ABRAXAS2: variants seen among roughly 807,000 people sequenced by gnomAD.
The protein encoded by ABRAXAS2 is BRISC complex subunit Abraxas 2.
A neutral mutation model predicts 49.0 loss-of-function variants in ABRAXAS2; 23 were observed. The ratio of observed to expected loss-of-function variants is 0.47; its 90% CI spans 0.34 to 0.66. ABRAXAS2 has a LOEUF of 0.66. ABRAXAS2 is among the 30% of genes least tolerant of loss of function. The pLI, the probability that ABRAXAS2 is intolerant of heterozygous loss-of-function variation, is 0.01. For synonymous variants in ABRAXAS2, 168 were observed against 180.2 expected, an observed-to-expected ratio of 0.93 and a Z score of 0.54; for missense variants, 443 against 511.9, an observed-to-expected ratio of 0.87 and a Z score of 1.30.
intron 4 of ABRAXAS2, among the ~76,000 whole-genome samples, chr10:124,823,298 G>A (rs1421165780): frequency 1.3e-5 from 2 of 152,020 alleles, no homozygotes; most frequent in African/African-American, 4.8e-5. Flanking sequence ...TACCTCAAAA[G>A]GGTGGTTATA....
In ABRAXAS2 at chr10:124,836,662, A is replaced by G. The variant is rs1950970273; in HGVS notation, c.*1691A>G. 6.6e-6 allele frequency: 1 copy of G among 152,630 alleles called. No homozygotes were observed. The highest frequency in any genetic ancestry group is 1.5e-5 in the Non-Finnish European group (1 of 68,036). 9.5% of individuals were successfully genotyped at this position (152,630 alleles called of 1,614,324 possible). A position where few individuals can be genotyped will look rare whatever the true frequency, so the allele number is the denominator to read the frequency against. On this transcript the variant is annotated 3_prime_UTR_variant, in exon 9 of 9. Coordinates refer to ENST00000298492, the MANE Select transcript of ABRAXAS2 (RefSeq NM_032182.4). ...AATGTGACAATAAAAAACTTATTTA[A>G]TCATGGTACCATTGTTTTAATGTCT...
chr10:124,821,501 G>GT (rs980536435), intron 4 of ABRAXAS2, among the ~76,000 whole-genome samples: 10 of 152,054 alleles, frequency 6.6e-5, no homozygotes, highest in South Asian at 2.1e-4. Flanking sequence ...GGGAGGCAGA[G>GT]TTTGCAGTGA....
chr10:124,826,964 C>T (rs1294256050), intron 5 of ABRAXAS2, among the ~76,000 whole-genome samples, 179 bp downstream of exon 5: 2 of 151,508 alleles, frequency 1.3e-5, no homozygotes, highest in South Asian at 2.1e-4. Flanking sequence ...TGTGGTGGCA[C>T]GTGGCTGTAT....
intron 8 of ABRAXAS2, among the ~76,000 whole-genome samples, chr10:124,831,840 G>GTATTTTTTTTTTTTTTTTTTTTTTTTT (rs1564925948): frequency 1.9e-5 from 2 of 106,208 alleles, no homozygotes; most frequent in Non-Finnish European, 1.8e-5. Context: ...ACTGTGTCCT[G>GTATTTTTTTTTTTTTTTTTTTTTTTTT]TCTTTTTTTT....
chr10:124,827,589 T>C (rs568830931), intron 5 of ABRAXAS2, among the ~76,000 whole-genome samples: 1 of 152,314 alleles, frequency 6.6e-6, no homozygotes, highest in African/African-American at 2.4e-5. Context: ...AATAAATAGC[T>C]GGAAATCATC....
Position 124,803,355 on chromosome 10 carries a change from G to T in ABRAXAS2, c.72+1454G>T, listed in dbSNP as rs559926290. 8.5e-5 allele frequency among the ~76,000 whole-genome samples: 13 copies of T among 152,304 alleles called. 1 individual carries two copies. In the South Asian group the frequency reaches 2.7e-3, roughly 32 times the overall value. On this transcript the variant is annotated intron_variant, in intron 1 of 8. Coordinates refer to ENST00000298492, the MANE Select transcript of ABRAXAS2 (RefSeq NM_032182.4). ...TTATATTAACTTTGCCACAATTATAGATGTGGAATCCTTGAAAATAATTTC... is the reference window on the plus strand; with the variant it reads ...TTATATTAACTTTGCCACAATTATATATGTGGAATCCTTGAAAATAATTTC...
chr10:124,809,805 T>C (rs1176087217), intron 2 of ABRAXAS2, among the ~76,000 whole-genome samples: 1 of 149,004 alleles, frequency 6.7e-6, no homozygotes, highest in African/African-American at 2.5e-5. Context: ...CAGGCTGGAG[T>C]GCAATGGCAC....
Position 124,826,720 on chromosome 10 carries a change from C to T in ABRAXAS2, c.393C>T (p.Ser131=), listed in dbSNP as rs371307509. The change falls in exon 5 of 9, where the codon AGC becomes AGT. Residue 131 remains serine (S), a synonymous_variant. Transcript: ENST00000298492. ...CCGACCTCGTCTTTCTTCTCTTCAG[C>T]TTCATCTCCACTGCCAACAATTCCA... is the stretch of plus-strand genomic sequence containing the variant. ...GVPDLVFLLF[S]FISTANNSTH... 29 of 1,614,232 alleles carry T rather than the reference C, an allele frequency of 1.8e-5. No homozygotes were observed. The highest frequency in any genetic ancestry group is 2.4e-5 in the Non-Finnish European group (28 of 1,180,052).
intron 4 of ABRAXAS2, among the ~76,000 whole-genome samples, chr10:124,821,012 C>CA: frequency 6.6e-6 from 1 of 152,066 alleles, no homozygotes; most frequent in Non-Finnish European, 1.5e-5. Flanking sequence ...CTCCCAGGCT[C>CA]AGGTGATCCT....
intron 3 of ABRAXAS2, 107 bp from the exon 4 acceptor site, chr10:124,819,277 G>A (rs1159695659): frequency 2.4e-6 from 2 of 821,330 alleles, no homozygotes; most frequent in Admixed American, 3.9e-5. Context: ...ACCTGTGTAA[G>A]GTGAGAAGTT....
chr10:124,834,590 A>G lies in ABRAXAS2; in HGVS notation c.867A>G (p.Ala289=). The change falls in exon 9 of 9, where the codon GCA becomes GCG. Residue 289 remains alanine (A), a synonymous_variant. Coordinates refer to ENST00000298492, the MANE Select transcript of ABRAXAS2 (RefSeq NM_032182.4). The stretch of plus-strand genomic sequence containing the variant: ...CTCGGATGCCGTCCTCTGGGTTTGC[A>G]GCTGAAGGCAGAAGTACACTTGGAG... ...FSPRMPSSGF[A]AEGRSTLGDA... 1 of 1,614,194 alleles carries G rather than the reference A, an allele frequency of 6.2e-7. No homozygotes were observed. Among genetic ancestry groups the G allele is most frequent in the Non-Finnish European group, 8.5e-7 (1 of 1,180,036 alleles).
At chr10:124,828,520 A>G (rs1254427227) in intron 5 of ABRAXAS2, among the ~76,000 whole-genome samples, 1 of 151,728 alleles carries the variant, frequency 6.6e-6, no homozygotes, top group Non-Finnish European at 1.5e-5. Flanking sequence ...GTGCACCACC[A>G]TGCCCGGCTA....
At chr10:124,807,184 A>G (rs1055682576) in intron 2 of ABRAXAS2, among the ~76,000 whole-genome samples, 14 of 150,916 alleles carry the variant, frequency 9.3e-5, no homozygotes, top group Non-Finnish European at 3.0e-5. Context: ...ATGGTGGCGG[A>G]CGCCTGTAGT....
At chr10:124,816,693 T>C (rs1173970283) in intron 3 of ABRAXAS2, 81 bp downstream of exon 3, 1 of 996,820 alleles carries the variant, frequency 1.0e-6, no homozygotes, top group East Asian at 2.4e-5. Context: ...CTGTAGCTGA[T>C]TGTGGCTGTA....
intron 8 of ABRAXAS2, among the ~76,000 whole-genome samples, chr10:124,833,790 T>A (rs764524173): frequency 3.3e-5 from 5 of 152,194 alleles, no homozygotes; most frequent in African/African-American, 7.2e-5. Context: ...AATTGAAATG[T>A]TACCTACAAA....
At chr10:124,833,320 C>G (rs1950947408) in intron 8 of ABRAXAS2, among the ~76,000 whole-genome samples, 1 of 135,532 alleles carries the variant, frequency 7.4e-6, no homozygotes, top group South Asian at 2.3e-4. Context: ...AAAAAAAAAG[C>G]CAGGCATGGT....
chr10:124,808,378 G>A (rs986630191), intron 2 of ABRAXAS2, among the ~76,000 whole-genome samples: 4 of 152,124 alleles, frequency 2.6e-5, no homozygotes, highest in Non-Finnish European at 5.9e-5. Flanking sequence ...GGTTTTCACC[G>A]TGTTAGCCAG....
chr10:124,823,008 T>C (rs540386648), intron 4 of ABRAXAS2, among the ~76,000 whole-genome samples: 7 of 152,206 alleles, frequency 4.6e-5, no homozygotes, highest in Non-Finnish European at 5.9e-5. Flanking sequence ...AATTTTGTGC[T>C]AAAACAAATG....
rs1950969665 is a variant in ABRAXAS2, at chr10:124,836,549, C to A, written c.*1578C>A. ...ATTTTTTTTTAAGTGCCATTACCGT[C>A]TCCTCTGTTCAGATTTTGACATTCA... On this transcript the variant is annotated 3_prime_UTR_variant, in exon 9 of 9. Transcript: ENST00000298492. 2 of 152,562 alleles carry A rather than the reference C, an allele frequency of 1.3e-5. No homozygotes were observed. The highest frequency in any genetic ancestry group is 4.1e-4 in the South Asian group (2 of 4,822). The allele number at this position is 152,562 out of a possible 1,614,324, so 9.5% of individuals were successfully genotyped here.
Sources: gnomAD v4.1 joint callset for allele counts (sites outside exome capture counted in the v4.1 genomes callset) on GRCh38, gnomAD v4.1.1 for gene constraint, MANE v1.5 for transcripts, NCBI Gene and HGNC (gene_info 2026-07-23, HGNC 2026-07-21) for gene names.